The following IFI44 variants were observed in gnomAD, a reference collection of about 807,000 sequenced individuals.
The protein encoded by IFI44 is interferon induced protein 44.
Under a neutral mutation model 45.0 loss-of-function variants are expected in IFI44, and 42 were observed. That is an observed-to-expected ratio of 0.93 (90% CI 0.73 to 1.21). IFI44 has a LOEUF of 1.21. Among genes scored for constraint, IFI44 ranks in the 50% most tolerant of loss-of-function variants. The pLI, the probability that IFI44 is intolerant of heterozygous loss-of-function variation, is 0.00. For synonymous variants in IFI44, 221 were observed against 188.6 expected, an observed-to-expected ratio of 1.17 and a Z score of -1.41; for missense variants, 623 against 525.8, an observed-to-expected ratio of 1.18 and a Z score of -1.81.
chr1:78,662,591 C>A, intron 7 of IFI44, 113 bp from the exon 8 acceptor site: 1 of 800,060 alleles, frequency 1.2e-6, no homozygotes, highest in Non-Finnish European at 1.9e-6. Flanking sequence ...CATTTTTTTC[C>A]AATGGGAAAT....
At chr1:78,652,324 G>A (rs142893613) in intron 2 of IFI44, among the ~76,000 whole-genome samples, 9 of 152,058 alleles carry the variant, frequency 5.9e-5, no homozygotes, top group African/African-American at 2.2e-4. Flanking sequence ...CTCGTAATCC[G>A]CTTGCCTTGG....
At chr1:78,660,837 G>C (rs1570403261) in intron 7 of IFI44, 183 bp downstream of exon 7, 1 of 603,930 alleles carries the variant, frequency 1.7e-6, no homozygotes, top group Admixed American at 2.4e-5. Flanking sequence ...ATTTGCAGGG[G>C]ATTAGTTCCA....
intron 2 of IFI44, 50 bp from the exon 3 acceptor site, chr1:78,654,193 C>T (rs199967932): frequency 2.1e-6 from 2 of 966,638 alleles, no homozygotes; most frequent in East Asian, 4.8e-5. Context: ...TTCATTCAGC[C>T]AATTATTCGA....
At chr1:78,656,835 A>G (rs1232826472) in intron 5 of IFI44, among the ~76,000 whole-genome samples, 1 of 151,076 alleles carries the variant, frequency 6.6e-6, no homozygotes, top group African/African-American at 2.4e-5. Context: ...ATTCTTTAGT[A>G]TAGAGTTATC....
rs555714763 is a variant in IFI44 at position 78,654,389 on chromosome 1, G to T, written c.494+110G>T. ...CACATATTATCACACATAACTTGTGGATCATCAAGAACAAACTGTATTTAT... is the reference window on the plus strand; with the variant it reads ...CACATATTATCACACATAACTTGTGTATCATCAAGAACAAACTGTATTTAT... On this transcript the variant is annotated intron_variant, in intron 3 of 8. Transcript: ENST00000370747. 8 of 608,706 alleles carry T rather than the reference G, an allele frequency of 1.3e-5. No homozygotes were observed. The East Asian group carries it at 2.4e-4, about 18-fold the overall frequency. The allele number at this position is 608,706 out of a possible 1,614,324, so 37.7% of individuals were successfully genotyped here. A position where few individuals can be genotyped will look rare whatever the true frequency, so the allele number is the denominator to read the frequency against.
chr1:78,650,312 T>C lies in IFI44; in HGVS notation c.117T>C (p.Val39=). ...GTGTCCATGGATTCCGTAATGGAGT[T>C]TTGCTTGACAGATGTTGTAATCAAG... The part of the protein sequence containing the change: ...KGSVHGFRNG[V]LLDRCCNQGP... The change falls in exon 2 of 9, where the codon GTT becomes GTC. Residue 39 remains valine, a synonymous_variant. Coordinates refer to ENST00000370747, the MANE Select transcript of IFI44 (RefSeq NM_006417.5). The C allele has an allele frequency of 6.2e-7, 1 of 1,614,046 alleles. No homozygotes were observed. The highest frequency in any genetic ancestry group is 8.5e-7 in the Non-Finnish European group (1 of 1,179,952).
chr1:78,655,314 T>C, intron 4 of IFI44, 48 bp from the exon 5 acceptor site: 1 of 1,562,172 alleles, frequency 6.4e-7, no homozygotes, highest in Non-Finnish European at 8.7e-7. Context: ...TTCATCTCAA[T>C]TTATAATAAA....
chr1:78,655,247 G>T (rs752355738), intron 4 of IFI44, 38 bp downstream of exon 4: 1 of 1,584,526 alleles, frequency 6.3e-7, no homozygotes, highest in Admixed American at 1.8e-5. Flanking sequence ...TTGCTTCTCT[G>T]TTCAAATCAA....
intron 2 of IFI44, among the ~76,000 whole-genome samples, chr1:78,651,270 C>T (rs1018070855): frequency 6.6e-6 from 1 of 152,088 alleles, no homozygotes; most frequent in Admixed American, 6.5e-5. Flanking sequence ...AGCGGGAACC[C>T]GGAGCTTGTT....
chr1:78,651,979 G>T (rs761225441), intron 2 of IFI44, among the ~76,000 whole-genome samples: 3 of 152,144 alleles, frequency 2.0e-5, no homozygotes, highest in Non-Finnish European at 2.9e-5. Context: ...AGAAAAATAG[G>T]CAGGGGTTTT....
intron 7 of IFI44, among the ~76,000 whole-genome samples, chr1:78,661,472 A>G (rs971455619): frequency 6.6e-6 from 1 of 152,120 alleles, no homozygotes; most frequent in Non-Finnish European, 1.5e-5. Flanking sequence ...TTCATTTATT[A>G]CAATTTAATT....
intron 8 of IFI44, 48 bp downstream of exon 8, chr1:78,662,926 C>T (rs745777491): frequency 6.2e-7 from 1 of 1,612,422 alleles, no homozygotes; most frequent in South Asian, 1.1e-5. Flanking sequence ...AGGTAGTTGG[C>T]TACTTTCTGC....
chr1:78,659,427 T>C lies in IFI44; in HGVS notation c.956T>C (p.Phe319Ser), dbSNP rs1252062639. 4.3e-6 allele frequency: 7 copies of C among 1,613,562 alleles called. No individual in the cohort carries two copies. The South Asian group carries it at 6.6e-5, about 15-fold the overall frequency. Residue 319 changes from phenylalanine to serine, a missense_variant, in exon 6 of 9, where the codon TTC becomes TCC. Physicochemically the swap from Phe to Ser is radical, Grantham distance 155 (BLOSUM62 -2). Transcript: ENST00000370747. ...FVFDASSIQY[F>S]SSQMIVKIKR... ...TTTGATGCCAGCTCTATTCAATACT[T>C]CTCCTCTCAGATGATAGTAAAGATC...
intron 2 of IFI44, 132 bp downstream of exon 2, chr1:78,650,784 A>G (rs1053123398): frequency 1.6e-6 from 1 of 606,314 alleles, no homozygotes. Context: ...TGAAACCTGG[A>G]TACAGATTGT....
In IFI44 at chr1:78,655,130, A is replaced by T; in HGVS notation, c.611A>T (p.Asn204Ile). The T allele has an allele frequency of 6.2e-7, 1 of 1,613,880 alleles. No individual in the cohort carries two copies. Among genetic ancestry groups the T allele is most frequent in the Non-Finnish European group, 8.5e-7 (1 of 1,179,880 alleles). ...PIGAGKSSFF[N>I]SVRSVFQGHV... ...GGAGCTGGGAAGTCCAGCTTTTTCAACTCAGTGAGGTCTGTTTTCCAAGGG... is the reference window on the plus strand; with the variant it reads ...GGAGCTGGGAAGTCCAGCTTTTTCATCTCAGTGAGGTCTGTTTTCCAAGGG... Residue 204 changes from asparagine (N) to isoleucine (I), a missense_variant, in exon 4 of 9, where the codon AAC (asparagine) becomes ATC (isoleucine). Transcript: ENST00000370747.
Position 78,662,824 on chromosome 1 carries a change from C to G in IFI44, c.1234C>G (p.Arg412Gly), listed in dbSNP as rs539326919. The change falls in exon 8 of 9, where the codon CGA becomes GGA. Residue 412 changes from arginine (R) to glycine (G), a missense_variant. Arg to Gly is a moderately radical substitution (Grantham distance 125). Coordinates refer to ENST00000370747, the MANE Select transcript of IFI44 (RefSeq NM_006417.5). ...KDVLILSALR[R>G]MLWAADDFLE... is the part of the protein sequence containing the mutation. Reference sequence around the variant, plus strand: ...TGTTCTAATTCTTTCTGCTCTGAGACGAATGCTATGGGCTGCAGATGACTT... The same window carrying G: ...TGTTCTAATTCTTTCTGCTCTGAGAGGAATGCTATGGGCTGCAGATGACTT... 76 of 1,613,462 alleles carry G rather than the reference C, an allele frequency of 4.7e-5. No individual in the cohort carries two copies. The South Asian group carries it at 8.0e-4, about 17-fold the overall frequency.
Position 78,659,356 on chromosome 1 carries a change from T to A in IFI44, c.885T>A (p.Ile295=). The change falls in exon 6 of 9, where the codon ATT becomes ATA. Residue 295 remains isoleucine (I), a synonymous_variant. Coordinates refer to ENST00000370747, the MANE Select transcript of IFI44 (RefSeq NM_006417.5). ...ESIKLNHHDY[I]DSPSLKDRIH... is the part of the protein sequence containing the mutation. The stretch of plus-strand genomic sequence containing the variant: ...TCAAATTAAATCATCATGACTACAT[T>A]GATTCCCCATCGCTGAAGGACAGAA... The A allele has an allele frequency of 2.5e-6, 4 of 1,613,536 alleles. No homozygotes were observed. Among genetic ancestry groups the A allele is most frequent in the Non-Finnish European group, 3.4e-6 (4 of 1,179,548 alleles).
rs146654380 is a variant in IFI44 at position 78,662,847 on chromosome 1, C to T, written c.1257C>T (p.Asp419=). 250 of 1,612,078 alleles carry T rather than the reference C, an allele frequency of 1.6e-4. 2 individuals are homozygous for T. Among genetic ancestry groups the T allele is most frequent in the Non-Finnish European group, 9.3e-6 (11 of 1,179,532 alleles). Residue 419 remains aspartate, a synonymous_variant, in exon 8 of 9, where the codon GAC becomes GAT. Coordinates refer to ENST00000370747, the MANE Select transcript of IFI44 (RefSeq NM_006417.5). Reference sequence around the variant, plus strand: ...GACGAATGCTATGGGCTGCAGATGACTTCTTAGAGGATTTGCCTTTTGAGC... The same window carrying T: ...GACGAATGCTATGGGCTGCAGATGATTTCTTAGAGGATTTGCCTTTTGAGC... The part of the protein sequence containing the change: ...ALRRMLWAAD[D]FLEDLPFEQI...
chr1:78,651,263 G>A (rs897805501), intron 2 of IFI44, among the ~76,000 whole-genome samples: 3 of 152,110 alleles, frequency 2.0e-5, no homozygotes, highest in South Asian at 2.1e-4. Context: ...TAGAATCAGC[G>A]GGAACCCGGA....
Sources: gnomAD v4.1 joint callset for allele counts (sites outside exome capture counted in the v4.1 genomes callset) on GRCh38, gnomAD v4.1.1 for gene constraint, MANE v1.5 for transcripts, NCBI Gene and HGNC (gene_info 2026-07-23, HGNC 2026-07-21) for gene names.